The following SYTL2 variants were observed in gnomAD, a reference collection of about 807,000 sequenced individuals.
The protein encoded by SYTL2 is synaptotagmin like 2.
A neutral mutation model predicts 198.7 loss-of-function variants in SYTL2; 165 were observed. That is an observed-to-expected ratio of 0.83 (90% CI 0.73 to 0.94). The LOEUF is 0.94. Ranked by LOEUF, SYTL2 falls within the 40% of genes least tolerant of loss-of-function variation. The pLI is 0.00. For missense variants in SYTL2, 2,835 were observed against 2,582.8 expected (o/e 1.10, Z -2.12); for synonymous variants, 966 against 917.7 (o/e 1.05, Z -0.95).
At chr11:85,791,196 C>CAAAAAAA (rs2092726296) in intron 1 of SYTL2, among the ~76,000 whole-genome samples, 1 of 45,292 alleles carries the variant, frequency 2.2e-5, no homozygotes. Context: ...AAAAAAAAAA[C>CAAAAAAA]AACCTTAGTA....
At chr11:85,827,015 A>G in the SYTL2 span, among the ~76,000 whole-genome samples, 1 of 152,202 alleles carries the variant, frequency 6.6e-6, no homozygotes, top group African/African-American at 2.4e-5. Context: ...AAGCCGAAGG[A>G]CCCAGTAACC....
At chr11:85,842,528 G>A in the SYTL2 span, among the ~76,000 whole-genome samples, 2 of 152,150 alleles carry the variant, frequency 1.3e-5, no homozygotes, top group East Asian at 1.9e-4. Context: ...TATCCTGATT[G>A]GCTTTTCTTC....
chr11:85,726,673 C>T lies in SYTL2; in HGVS notation c.2685G>A (p.Glu895=), dbSNP rs1279304116. 6.5e-7 allele frequency: 1 copy of T among 1,536,460 alleles called. No individual in the cohort carries two copies. The highest frequency in any genetic ancestry group is 2.0e-5 in the Admixed American group (1 of 51,018). The part of the protein sequence containing the change: ...AGPSRYYLSA[E]QSDKVSLFQN... ...GAAACAGAGACACTTTATCTGATTG[C>T]TCAGCTGAAAGATAGTATCTGGATG... The change falls in exon 8 of 20, where the codon GAG becomes GAA. Residue 895 remains glutamate, a synonymous_variant. Transcript: ENST00000359152.
At chr11:85,700,366 A>G (rs1204667219) in intron 17 of SYTL2, 149 bp downstream of exon 17, 3 of 421,298 alleles carry the variant, frequency 7.1e-6, no homozygotes, top group Non-Finnish European at 1.2e-5. Context: ...GAATTTTCTT[A>G]TTTACAACTG....
intron 1 of SYTL2, among the ~76,000 whole-genome samples, chr11:85,800,719 C>G (rs61907272): frequency 0.094 from 14,271 of 152,208 alleles, 969 homozygotes; most frequent in East Asian, 0.27. Context: ...CCACTCCCTC[C>G]TCACTTCCTC....
At chr11:85,788,535 G>A (rs1008684364) in intron 1 of SYTL2, among the ~76,000 whole-genome samples, 10 of 152,136 alleles carry the variant, frequency 6.6e-5, no homozygotes, top group Admixed American at 5.9e-4. Flanking sequence ...GCAAAAGTCT[G>A]GAAACTTGCC....
At chr11:85,759,497 A>T (rs1265012447) in intron 1 of SYTL2, among the ~76,000 whole-genome samples, 2 of 149,032 alleles carry the variant, frequency 1.3e-5, no homozygotes, top group Non-Finnish European at 3.0e-5. Flanking sequence ...GAAATAATGA[A>T]TATAAAAAGA....
chr11:85,716,921 T>C (rs1342425848), intron 11 of SYTL2: 2 of 152,256 alleles, frequency 1.3e-5, no homozygotes, highest in Non-Finnish European at 2.9e-5. Context: ...ATTTACTTCT[T>C]AGATTCACTT....
chr11:85,842,894 C>A, the SYTL2 span, among the ~76,000 whole-genome samples: 3 of 152,136 alleles, frequency 2.0e-5, no homozygotes, highest in Middle Eastern at 3.2e-3. Context: ...GAAGAGAGAG[C>A]CTACCATAGT....
chr11:85,727,964 T>A lies in SYTL2; in HGVS notation c.1394A>T (p.Glu465Val), dbSNP rs1459647231. ...ESVLPRSPAD[E>V]LSHCVEPEPS... is the part of the protein sequence containing the mutation. ...CTCAGGCTCAACACAATGAGACAGT[T>A]CATCTGCAACATAGAAATACTTTTC... is the stretch of plus-strand genomic sequence containing the variant. The change falls in exon 8 of 20, where the codon GAA becomes GTA. Residue 465 changes from glutamate to valine, a missense_variant. Glu to Val is a moderately radical substitution (Grantham distance 121). This residue lies in a region of SYTL2 where 2,645 missense variants were observed against 2,381.7 expected (regional missense o/e 1.11). Coordinates refer to ENST00000359152, the MANE Select transcript of SYTL2 (RefSeq NM_206927.4). 6.3e-7 allele frequency: 1 copy of A among 1,580,208 alleles called. No individual in the cohort carries two copies. Among genetic ancestry groups the A allele is most frequent in the Non-Finnish European group, 8.6e-7 (1 of 1,168,936 alleles).
rs989860224 is a variant in SYTL2, at chr11:85,724,188, T to C, written c.5170A>G (p.Asn1724Asp). The change falls in exon 8 of 20, where the codon AAC (asparagine) becomes GAC (aspartate). Residue 1724 changes from asparagine (N) to aspartate (D), a missense_variant. Physicochemically the swap from Asn to Asp is conservative, Grantham distance 23. Coordinates refer to ENST00000359152, the MANE Select transcript of SYTL2 (RefSeq NM_206927.4). Reference protein sequence around the residue: ...RNRQPIPLLMNKENSTKTSKV... With the variant: ...RNRQPIPLLMDKENSTKTSKV... ...CTTGTTTTTGTAGAGTTTTCTTTGT[T>C]CATCAGGAGAGGAATGGGTTGCCTA... The C allele has an allele frequency of 6.2e-7, 1 of 1,603,260 alleles. No individual in the cohort carries two copies. The highest frequency in any genetic ancestry group is 8.5e-7 in the Non-Finnish European group (1 of 1,177,342).
the SYTL2 span, among the ~76,000 whole-genome samples, chr11:85,843,160 G>C: frequency 3.3e-5 from 5 of 152,100 alleles, no homozygotes; most frequent in Admixed American, 3.3e-4. Context: ...GATCACTCGA[G>C]GTCTGGAGTT....
the SYTL2 span, among the ~76,000 whole-genome samples, chr11:85,846,539 TG>T: frequency 1.3e-5 from 2 of 152,142 alleles, no homozygotes; most frequent in Non-Finnish European, 2.9e-5. Context: ...GCGATTCTCC[TG>T]CCTCAACTTC....
At position 85,724,560 on chromosome 11, in the gene SYTL2, C is replaced by G; in HGVS notation, c.4798G>C (p.Glu1600Gln). Reference protein sequence around the residue: ...ETHEKESSQSEQTRFLGTVPH... With the variant: ...ETHEKESSQSQQTRFLGTVPH... ...ACTGTCCCCAAGAACCTGGTCTGCT[C>G]TGACTGTGAGGACTCCTTCTCGTGA... The change falls in exon 8 of 20, where the codon GAG becomes CAG. Residue 1600 changes from glutamate to glutamine, a missense_variant. Physicochemically the swap from Glu to Gln is conservative, Grantham distance 29. Coordinates refer to ENST00000359152, the MANE Select transcript of SYTL2 (RefSeq NM_206927.4). 6.2e-7 allele frequency: 1 copy of G among 1,613,894 alleles called. No individual in the cohort carries two copies. The highest frequency in any genetic ancestry group is 8.5e-7 in the Non-Finnish European group (1 of 1,179,948).
chr11:85,696,612 G>C, intron 18 of SYTL2: 1 of 545,878 alleles, frequency 1.8e-6, no homozygotes, highest in South Asian at 2.3e-5. Flanking sequence ...TCCTGACTCT[G>C]CTACCTCCTG....
chr11:85,711,559 G>A (rs1022192427), intron 12 of SYTL2, among the ~76,000 whole-genome samples: 3 of 152,106 alleles, frequency 2.0e-5, no homozygotes, highest in African/African-American at 7.2e-5. Context: ...TTATTTGCCT[G>A]GGGAACTCTA....
At chr11:85,829,566 C>T in the SYTL2 span, among the ~76,000 whole-genome samples, 4 of 152,058 alleles carry the variant, frequency 2.6e-5, no homozygotes, top group Admixed American at 6.6e-5. Flanking sequence ...GGGTATACAC[C>T]CAGTAGTGGG....
rs1565949050 is a variant in SYTL2, at chr11:85,734,298, TG to T, written c.1030del (p.Gln344ArgfsTer5). Reference protein sequence around the residue: ...RFSAVKDELPQSPGLIHGREV... With the variant: ...RFSAVKDELPXSPGLIHGREV... ...CCGACCATGGATTAGCCCAGGACTC[TG>T]TGGAAGCTCATCCTTCACTGCAGAG... On this transcript the variant is annotated frameshift_variant, in exon 7 of 20. Coordinates refer to ENST00000359152, the MANE Select transcript of SYTL2 (RefSeq NM_206927.4). LOFTEE classifies it high-confidence loss of function. 1 of 1,614,184 alleles carries T rather than the reference TG, an allele frequency of 6.2e-7. No individual in the cohort carries two copies. Among genetic ancestry groups the T allele is most frequent in the Admixed American group, 1.7e-5 (1 of 60,034 alleles).
At chr11:85,853,099 C>T in the SYTL2 span, 2 of 298,160 alleles carry the variant, frequency 6.7e-6, no homozygotes, top group Non-Finnish European at 1.3e-5. Context: ...CGCCTCTGCC[C>T]GGCCGCCCCT....
Sources: allele counts gnomAD v4.1 joint callset (sites outside exome capture counted in the v4.1 genomes callset), GRCh38; gene constraint gnomAD v4.1.1; regional missense constraint gnomAD v4.1.1; transcripts MANE v1.5; gene names NCBI Gene and HGNC (gene_info 2026-07-23, HGNC 2026-07-21).